The following TBX15 variants were observed in gnomAD, a reference collection of about 807,000 sequenced individuals.
TBX15 encodes T-box transcription factor TBX15.
In TBX15, 18 loss-of-function variants were observed where a neutral mutation model predicts 53.9. That is an observed-to-expected ratio of 0.33 (90% CI 0.23 to 0.49). The LOEUF (loss-of-function observed/expected upper bound fraction) is 0.49, where lower values mean the gene tolerates loss of function less well. TBX15 is among the 20% of genes least tolerant of loss of function. The pLI is 0.98. For synonymous variants in TBX15, 295 were observed against 278.0 expected (o/e 1.06, Z -0.61); for missense variants, 692 against 749.5 (o/e 0.92, Z 0.90).
At chr1:118,936,533 A>T (rs189709112) in intron 1 of TBX15, among the ~76,000 whole-genome samples, 43 of 152,256 alleles carry the variant, frequency 2.8e-4, no homozygotes, top group African/African-American at 8.4e-4. Flanking sequence ...GGGTGGGGGT[A>T]TAAGATATCT....
intron 5 of TBX15, among the ~76,000 whole-genome samples, chr1:118,922,500 C>G (rs549119578): frequency 1.3e-5 from 2 of 152,094 alleles, no homozygotes; most frequent in Non-Finnish European, 2.9e-5. Context: ...CATAGCTCTA[C>G]GAGGCAGGCG....
At chr1:118,948,192 A>ATGC (rs1229721175) in intron 1 of TBX15, among the ~76,000 whole-genome samples, 1 of 152,134 alleles carries the variant, frequency 6.6e-6, no homozygotes, top group African/African-American at 2.4e-5. Context: ...GTTAAGAGAC[A>ATGC]TACGTAGCAA....
At chr1:118,942,851 A>G (rs1656231700) in intron 1 of TBX15, among the ~76,000 whole-genome samples, 1 of 152,234 alleles carries the variant, frequency 6.6e-6, no homozygotes, top group Non-Finnish European at 1.5e-5. Flanking sequence ...TGCTAGAGCT[A>G]GTAATGCTAA....
intron 5 of TBX15, among the ~76,000 whole-genome samples, chr1:118,917,823 A>G (rs776243957): frequency 6.6e-6 from 1 of 152,114 alleles, no homozygotes; most frequent in Non-Finnish European, 1.5e-5. Context: ...AGTGGCCACT[A>G]CCGCTCAGAA....
chr1:118,899,209 C>A, intron 6 of TBX15, 84 bp from the exon 7 acceptor site: 1 of 1,236,664 alleles, frequency 8.1e-7, no homozygotes, highest in South Asian at 1.3e-5. Flanking sequence ...GGTGGACTGT[C>A]AAACAGGTAA....
At chr1:118,947,022 C>T (rs1380159036) in intron 1 of TBX15, among the ~76,000 whole-genome samples, 1 of 152,224 alleles carries the variant, frequency 6.6e-6, no homozygotes, top group African/African-American at 2.4e-5. Flanking sequence ...CAGTCCAATC[C>T]CCTCACTGGG....
intron 1 of TBX15, among the ~76,000 whole-genome samples, chr1:118,937,901 G>A (rs901354100): frequency 1.3e-5 from 2 of 152,126 alleles, no homozygotes; most frequent in African/African-American, 4.8e-5. Flanking sequence ...ATTCACAGAA[G>A]GGCAAATACC....
chr1:118,885,797 A>C (rs1653922672), intron 7 of TBX15, among the ~76,000 whole-genome samples: 1 of 152,186 alleles, frequency 6.6e-6, no homozygotes, highest in Non-Finnish European at 1.5e-5. Context: ...AGCCTTAGTA[A>C]GTCCTTTGTA....
In TBX15 at chr1:118,924,698, A is replaced by G. The variant is rs1485116376; in HGVS notation, c.641T>C (p.Val214Ala). The G allele has an allele frequency of 1.9e-6, 3 of 1,614,078 alleles. No individual in the cohort carries two copies. In the South Asian group the frequency reaches 3.3e-5, roughly 18 times the overall value. The change falls in exon 4 of 8, where the codon GTC becomes GCC. Residue 214 changes from valine (V) to alanine (A), a missense_variant. Val to Ala is a moderately conservative substitution (Grantham distance 64). Around this residue, in one of 3 missense-constraint regions of TBX15, gnomAD observed 307 missense variants for 347.5 expected, o/e 0.88. Transcript: ENST00000369429. ...GGTAAGCTTGAGTTTGTCAAAACTG[A>G]CCACCTGTCTCATCCAGGTGTCTCC... is the stretch of plus-strand genomic sequence containing the variant. ...ASGDTWMRQV[V>A]SFDKLKLTNN...
In TBX15 at chr1:118,923,615, A is replaced by T; in HGVS notation, c.694-12T>A. 1 of 1,613,876 alleles carries T rather than the reference A, an allele frequency of 6.2e-7. No homozygotes were observed. The highest frequency in any genetic ancestry group is 8.5e-7 in the Non-Finnish European group (1 of 1,179,808). On this transcript the variant is annotated splice_polypyrimidine_tract_variant and intron_variant, in intron 4 of 7. Coordinates refer to ENST00000369429, the MANE Select transcript of TBX15 (RefSeq NM_001330677.2). ...GAGTGCAGAATGATCTGAAATAAAA[A>T]GGGGAATTGTACCAGGCTTGGCTTT...
chr1:118,890,892 C>T (rs756914540), intron 7 of TBX15: 33 of 1,303,904 alleles, frequency 2.5e-5, no homozygotes, highest in Non-Finnish European at 3.2e-5. Context: ...AGACTCTTCT[C>T]TCGTATAATT....
chr1:118,987,958 C>T lies in TBX15; in HGVS notation c.-163G>A, dbSNP rs1036301542. ...GGTCTCTCCACCCTCCCCCTGCGTC[C>T]TCCTCCGCCCTCCTCTGCCGGATCC... On this transcript the variant is annotated 5_prime_UTR_variant, in exon 1 of 8. Coordinates refer to ENST00000369429, the MANE Select transcript of TBX15 (RefSeq NM_001330677.2). 3.8e-6 allele frequency: 3 copies of T among 796,552 alleles called. No individual in the cohort carries two copies. Among genetic ancestry groups the T allele is most frequent in the African/African-American group, 1.7e-5 (1 of 57,526 alleles). 49.3% of individuals were successfully genotyped at this position (796,552 alleles called of 1,614,324 possible).
chr1:118,924,546 G>A (rs1406719052), intron 4 of TBX15, 100 bp downstream of exon 4: 8 of 1,403,822 alleles, frequency 5.7e-6, no homozygotes, highest in African/African-American at 4.3e-5. Context: ...GTGGCATAGA[G>A]ATTCCTTATT....
intron 1 of TBX15, among the ~76,000 whole-genome samples, chr1:118,939,040 C>G (rs190457389): frequency 6.6e-6 from 1 of 151,956 alleles, no homozygotes; most frequent in Non-Finnish European, 1.5e-5. Context: ...TACTATGCGA[C>G]CATAAAAAAG....
At chr1:118,920,480 T>C (rs1186553914) in intron 5 of TBX15, among the ~76,000 whole-genome samples, 1 of 152,156 alleles carries the variant, frequency 6.6e-6, no homozygotes, top group Non-Finnish European at 1.5e-5. Context: ...TCTGACCAGA[T>C]TGCGACACTC....
chr1:118,954,540 C>G (rs1656616128), intron 1 of TBX15, among the ~76,000 whole-genome samples: 1 of 152,192 alleles, frequency 6.6e-6, no homozygotes, highest in South Asian at 2.1e-4. Flanking sequence ...AGAGCATTCA[C>G]TTGGCCAAGG....
chr1:118,970,307 A>G (rs1657189197), intron 1 of TBX15, among the ~76,000 whole-genome samples: 1 of 152,314 alleles, frequency 6.6e-6, no homozygotes, highest in East Asian at 1.9e-4. Flanking sequence ...AGAATATAAC[A>G]ATGGCTTGGA....
chr1:118,974,128 G>C (rs1354344898), intron 1 of TBX15, among the ~76,000 whole-genome samples: 2 of 152,148 alleles, frequency 1.3e-5, no homozygotes, highest in African/African-American at 4.8e-5. Context: ...ACCCAAGATT[G>C]CAGTGTTCAT....
At chr1:118,914,012 C>T (rs1428420450) in intron 6 of TBX15, 103 bp downstream of exon 6, 5 of 1,121,556 alleles carry the variant, frequency 4.5e-6, no homozygotes, top group Non-Finnish European at 6.8e-6. Context: ...AGTGGCGGAG[C>T]ATACAGGTGT....
Sources: allele counts gnomAD v4.1 joint callset (sites outside exome capture counted in the v4.1 genomes callset), GRCh38; gene constraint gnomAD v4.1.1; regional missense constraint gnomAD v4.1.1; transcripts MANE v1.5; gene names NCBI Gene and HGNC (gene_info 2026-07-23, HGNC 2026-07-21).